Variants in SLTM observed in about 807,000 individuals in gnomAD.
SLTM encodes SAFB like transcription modulator, also known as SAFB-like transcription modulator.
In SLTM, 43 loss-of-function variants were observed where a neutral mutation model predicts 134.6. The ratio of observed to expected loss-of-function variants is 0.32; its 90% CI spans 0.25 to 0.41. The LOEUF is 0.41. Among genes scored for constraint, SLTM ranks in the 10% least tolerant of loss-of-function variants. The pLI is 1.00. For missense variants in SLTM, 1,055 were observed against 1,288.8 expected (o/e 0.82, Z 2.78); for synonymous variants, 424 against 432.3 (o/e 0.98, Z 0.24).
At chr15:58,904,787 T>A (rs1011043619) in intron 5 of SLTM, among the ~76,000 whole-genome samples, 2 of 152,070 alleles carry the variant, frequency 1.3e-5, no homozygotes, top group Non-Finnish European at 2.9e-5. Flanking sequence ...CTCGGCTAAC[T>A]GAACCCTCCG....
At chr15:58,893,133 A>G in intron 13 of SLTM, 73 bp from the exon 14 acceptor site, 1 of 1,462,250 alleles carries the variant, frequency 6.8e-7, no homozygotes, top group South Asian at 1.3e-5. Context: ...TTAGTAGGTC[A>G]TTTAAAAAGT....
At chr15:58,919,059 G>A (rs955700656) in intron 2 of SLTM, among the ~76,000 whole-genome samples, 35 of 152,114 alleles carry the variant, frequency 2.3e-4, no homozygotes, top group African/African-American at 7.9e-4. Flanking sequence ...CTACAGGCGC[G>A]TGCTACCATA....
chr15:58,908,733 T>C (rs545291192), intron 5 of SLTM, among the ~76,000 whole-genome samples: 20 of 152,272 alleles, frequency 1.3e-4, no homozygotes, highest in African/African-American at 4.8e-4. Flanking sequence ...AACCTAGATA[T>C]GTATCAGTGG....
At chr15:58,923,511 T>C (rs762105633) in intron 2 of SLTM, among the ~76,000 whole-genome samples, 10 of 152,212 alleles carry the variant, frequency 6.6e-5, no homozygotes, top group Non-Finnish European at 1.3e-4. Flanking sequence ...TCACTACCTC[T>C]GCAGGTCCCT....
In SLTM at chr15:58,893,024, G is replaced by A. The variant is rs757244588; in HGVS notation, c.1771C>T (p.Leu591=). 33 of 1,603,756 alleles carry A rather than the reference G, an allele frequency of 2.1e-5. No individual in the cohort carries two copies. Among genetic ancestry groups the A allele is most frequent in the Non-Finnish European group, 2.7e-5 (32 of 1,177,492 alleles). ...TAGTCTTTATCTCTTTTTTTATCTA[G>A]ACTAGCTCTCTCCTTTTCCTTACTT... The part of the protein sequence containing the change: ...GRSKEKERAS[L]DKKRDKDYRR... The change falls in exon 14 of 21, where the codon CTA becomes TTA. Residue 591 remains leucine, a synonymous_variant. Coordinates refer to ENST00000380516, the MANE Select transcript of SLTM (RefSeq NM_024755.4).
At chr15:58,884,396 G>A (rs1427707969) in intron 19 of SLTM, among the ~76,000 whole-genome samples, 1 of 151,758 alleles carries the variant, frequency 6.6e-6, no homozygotes, top group Non-Finnish European at 1.5e-5. Flanking sequence ...TCGGCTCACT[G>A]CAACCTCCGC....
At position 58,913,756 on chromosome 15, in the gene SLTM, A is replaced by G. The variant is rs1383504465; in HGVS notation, c.316-60T>C. On this transcript the variant is annotated intron_variant, in intron 3 of 20. Transcript: ENST00000380516. ...GCAAAGTAGTGTGGGCTATCCACCAAACGTTTTTGGTAATTTACACCTTTA... is the reference window on the plus strand; with the variant it reads ...GCAAAGTAGTGTGGGCTATCCACCAGACGTTTTTGGTAATTTACACCTTTA... 2.9e-6 allele frequency: 4 copies of G among 1,375,892 alleles called. No homozygotes were observed. The African/African-American group carries it at 4.3e-5, about 15-fold the overall frequency. The allele number at this position is 1,375,892 out of a possible 1,614,324, so 85.2% of individuals were successfully genotyped here. A position where few individuals can be genotyped will look rare whatever the true frequency, so the allele number is the denominator to read the frequency against.
At chr15:58,926,855 A>G (rs2037507649) in intron 2 of SLTM, among the ~76,000 whole-genome samples, 1 of 151,920 alleles carries the variant, frequency 6.6e-6, no homozygotes, top group South Asian at 2.1e-4. Context: ...CTTGTGATCC[A>G]CCCACCTCGG....
At chr15:58,919,548 C>T (rs566675074) in intron 2 of SLTM, among the ~76,000 whole-genome samples, 9 of 152,100 alleles carry the variant, frequency 5.9e-5, no homozygotes, top group Middle Eastern at 3.4e-3. Flanking sequence ...ACTGCTTGAA[C>T]CCAGGAGGGC....
At chr15:58,903,490 A>C (rs2035635351) in intron 5 of SLTM, among the ~76,000 whole-genome samples, 1 of 145,140 alleles carries the variant, frequency 6.9e-6, no homozygotes, top group Admixed American at 7.0e-5. Flanking sequence ...GTTAAAACAA[A>C]ACACAGATTT....
intron 2 of SLTM, among the ~76,000 whole-genome samples, chr15:58,920,858 G>A (rs1176311166): frequency 6.6e-6 from 1 of 151,872 alleles, no homozygotes; most frequent in Non-Finnish European, 1.5e-5. Context: ...GGGAGGCTGA[G>A]GCAGAATAAT....
chr15:58,887,283 G>C lies in SLTM; in HGVS notation c.2633C>G (p.Ser878Cys), dbSNP rs1217335874. 4.3e-6 allele frequency: 7 copies of C among 1,614,048 alleles called. No individual in the cohort carries two copies. The highest frequency in any genetic ancestry group is 1.7e-5 in the Admixed American group (1 of 60,004). The change falls in exon 18 of 21, where the codon TCC becomes TGC. Residue 878 changes from serine (S) to cysteine (C), a missense_variant. This residue lies in a region of SLTM where 776 missense variants were observed against 962.2 expected (regional missense o/e 0.81). Transcript: ENST00000380516. ...RHPREAGPNP[S>C]RPTSWKSEGS... ...TTCACTTTTCCAGCTGGTGGGTCTG[G>C]AAGGATTGGGCCCTGCCTCTCGAGG...
intron 2 of SLTM, 32 bp downstream of exon 2, chr15:58,932,324 T>C (rs766950097): frequency 6.5e-7 from 1 of 1,537,664 alleles, no homozygotes. Context: ...AACCAAAATA[T>C]ATTTTAAAAC....
At chr15:58,913,973 A>T (rs2036457349) in intron 3 of SLTM, among the ~76,000 whole-genome samples, 1 of 152,170 alleles carries the variant, frequency 6.6e-6, no homozygotes, top group Non-Finnish European at 1.5e-5. Context: ...GTTATTTAAT[A>T]TTTACCAAGC....
In SLTM at chr15:58,893,348, T is replaced by G; in HGVS notation, c.1665A>C (p.Gly555=). 6.2e-7 allele frequency: 1 copy of G among 1,603,844 alleles called. No homozygotes were observed. The highest frequency in any genetic ancestry group is 2.2e-5 in the East Asian group (1 of 44,660). Residue 555 remains glycine (G), a synonymous_variant, in exon 13 of 21, where the codon GGA becomes GGC. Transcript: ENST00000380516. ...TAGTTTGGTCTAGTATTACCATATGTCCTGGACTCTTGGAACCTAAGGGAA... is the reference window on the plus strand; with the variant it reads ...TAGTTTGGTCTAGTATTACCATATGGCCTGGACTCTTGGAACCTAAGGGAA... ...EKKRISSKSP[G]HMVILDQTKG... is the part of the protein sequence containing the mutation.
chr15:58,927,993 C>CA (rs746980580), intron 2 of SLTM, among the ~76,000 whole-genome samples: 1 of 152,098 alleles, frequency 6.6e-6, no homozygotes, highest in Non-Finnish European at 1.5e-5. Flanking sequence ...GTATTTTCCA[C>CA]AAAAAATTAT....
chr15:58,879,458 A>AGAT lies in SLTM; in HGVS notation c.*538_*540dup, dbSNP rs2033523479. ...AGAATATGAAGGTTTATTTCAAAAA[A>AGAT]GATTACATTTTTTTAAACCAGGATA... is the stretch of plus-strand genomic sequence containing the variant. On this transcript the variant is annotated 3_prime_UTR_variant, in exon 21 of 21. Transcript: ENST00000380516. 1 of 152,740 alleles carries AGAT rather than the reference A, an allele frequency of 6.5e-6. No individual in the cohort carries two copies. The highest frequency in any genetic ancestry group is 1.5e-5 in the Non-Finnish European group (1 of 68,092). The allele number at this position is 152,740 out of a possible 1,614,324, so 9.5% of individuals were successfully genotyped here. A position where few individuals can be genotyped will look rare whatever the true frequency, so the allele number is the denominator to read the frequency against.
chr15:58,922,780 T>C (rs1489527201), intron 2 of SLTM, among the ~76,000 whole-genome samples: 1 of 151,552 alleles, frequency 6.6e-6, no homozygotes, highest in Admixed American at 6.6e-5. Context: ...TGGTGTGATC[T>C]TGGCTCACTG....
At chr15:58,915,579 G>A (rs1411386448) in intron 3 of SLTM, among the ~76,000 whole-genome samples, 1 of 152,118 alleles carries the variant, frequency 6.6e-6, no homozygotes, top group Admixed American at 6.6e-5. Flanking sequence ...AAAACTTAAA[G>A]GCTCAAACAC....
Sources: allele counts gnomAD v4.1 joint callset (sites outside exome capture counted in the v4.1 genomes callset), GRCh38; gene constraint gnomAD v4.1.1; regional missense constraint gnomAD v4.1.1; transcripts MANE v1.5; gene names NCBI Gene and HGNC (gene_info 2026-07-23, HGNC 2026-07-21).